Variants in HEMK2 observed in about 807,000 individuals in gnomAD.
HEMK2 encodes the protein methyltransferase HEMK2.
the HEMK2 span, among the ~76,000 whole-genome samples, chr21:28,794,892 T>C: frequency 6.6e-6 from 1 of 152,174 alleles, no homozygotes; most frequent in Admixed American, 6.5e-5. Context: ...TTCCAGTAAA[T>C]GTGCTGATAG....
chr21:28,580,426 G>C, the HEMK2 span, among the ~76,000 whole-genome samples: 2 of 152,000 alleles, frequency 1.3e-5, no homozygotes, highest in African/African-American at 4.8e-5. Context: ...TCCAACAAGT[G>C]GCTCTCTGGA....
the HEMK2 span, among the ~76,000 whole-genome samples, chr21:28,745,972 C>T: frequency 0.55 from 83,676 of 152,066 alleles, 26,175 homozygotes; most frequent in African/African-American, 0.85. Flanking sequence ...TGGCTGAATC[C>T]TGAAATAGAG....
At chr21:28,793,356 T>C in the HEMK2 span, among the ~76,000 whole-genome samples, 2 of 152,180 alleles carry the variant, frequency 1.3e-5, no homozygotes. Flanking sequence ...TAAAACGAAA[T>C]GCACCTATTT....
At chr21:28,815,538 G>A in the HEMK2 span, among the ~76,000 whole-genome samples, 2 of 151,938 alleles carry the variant, frequency 1.3e-5, no homozygotes, top group African/African-American at 4.8e-5. Context: ...AAACACAGTG[G>A]TGTCCAGGTA....
the HEMK2 span, among the ~76,000 whole-genome samples, chr21:28,847,753 G>A: frequency 1.3e-5 from 2 of 152,250 alleles, no homozygotes; most frequent in Admixed American, 6.5e-5. Flanking sequence ...ATAGTTTTAG[G>A]TTTTACATTT....
the HEMK2 span, among the ~76,000 whole-genome samples, chr21:28,783,777 G>A: frequency 2.0e-5 from 3 of 152,098 alleles, no homozygotes; most frequent in Non-Finnish European, 4.4e-5. Flanking sequence ...GGCAGAAATT[G>A]GGGCTGCATG....
At chr21:28,672,089 C>T in the HEMK2 span, among the ~76,000 whole-genome samples, 1 of 151,950 alleles carries the variant, frequency 6.6e-6, no homozygotes, top group African/African-American at 2.4e-5. Flanking sequence ...GGCTCTTTTG[C>T]AAAGCAAACT....
the HEMK2 span, among the ~76,000 whole-genome samples, chr21:28,605,556 A>G: frequency 6.6e-6 from 1 of 152,170 alleles, no homozygotes. Flanking sequence ...CTCTTTAAAC[A>G]TGACTGAATC....
At chr21:28,712,827 A>G in the HEMK2 span, among the ~76,000 whole-genome samples, 1 of 152,250 alleles carries the variant, frequency 6.6e-6, no homozygotes, top group African/African-American at 2.4e-5. Context: ...ATAAGAGTAT[A>G]AAATGTTTGA....
At chr21:28,579,537 A>G in the HEMK2 span, among the ~76,000 whole-genome samples, 1 of 152,210 alleles carries the variant, frequency 6.6e-6, no homozygotes, top group Non-Finnish European at 1.5e-5. Flanking sequence ...TCTTAGAAAA[A>G]GAAAATAAAA....
chr21:28,750,302 C>A, the HEMK2 span, among the ~76,000 whole-genome samples: 3 of 152,166 alleles, frequency 2.0e-5, no homozygotes, highest in Non-Finnish European at 4.4e-5. Context: ...TATTCTAAGA[C>A]CACAGTGTAG....
chr21:28,688,443 G>C, the HEMK2 span, among the ~76,000 whole-genome samples: 1 of 152,104 alleles, frequency 6.6e-6, no homozygotes, highest in Non-Finnish European at 1.5e-5. Flanking sequence ...TCTGTGGCAG[G>C]TCTGGGAGAA....
At chr21:28,701,722 G>C in the HEMK2 span, among the ~76,000 whole-genome samples, 9 of 152,168 alleles carry the variant, frequency 5.9e-5, no homozygotes, top group African/African-American at 1.7e-4. Context: ...TGCATGGATA[G>C]GAAGAATCAA....
the HEMK2 span, among the ~76,000 whole-genome samples, chr21:28,703,280 T>C: frequency 6.6e-6 from 1 of 150,608 alleles, no homozygotes; most frequent in Non-Finnish European, 1.5e-5. Flanking sequence ...TTTACTTATA[T>C]AACAAACCTG....
the HEMK2 span, among the ~76,000 whole-genome samples, chr21:28,744,422 A>G: frequency 6.6e-6 from 1 of 152,198 alleles, no homozygotes; most frequent in Non-Finnish European, 1.5e-5. Flanking sequence ...AAAGTCATTC[A>G]TGGTTAATTG....
At chr21:28,642,122 C>T in the HEMK2 span, among the ~76,000 whole-genome samples, 2 of 152,162 alleles carry the variant, frequency 1.3e-5, no homozygotes, top group African/African-American at 4.8e-5. Context: ...TAAATAGGCA[C>T]CTTCAGGAGC....
At chr21:28,601,365 G>T in the HEMK2 span, among the ~76,000 whole-genome samples, 1 of 152,206 alleles carries the variant, frequency 6.6e-6, no homozygotes, top group East Asian at 1.9e-4. Flanking sequence ...CCTCTTTGGT[G>T]CTCCCTGGCT....
chr21:28,843,281 G>A, the HEMK2 span, among the ~76,000 whole-genome samples: 1 of 152,118 alleles, frequency 6.6e-6, no homozygotes, highest in East Asian at 1.9e-4. Flanking sequence ...CTGCATGGCT[G>A]AGGAGGCCTG....
chr21:28,588,799 C>T, the HEMK2 span, among the ~76,000 whole-genome samples: 6 of 151,764 alleles, frequency 4.0e-5, no homozygotes, highest in Admixed American at 2.0e-4. Flanking sequence ...CTGGCTAACA[C>T]GCTGAAACCC....
Sources: allele counts gnomAD v4.1 joint callset (sites outside exome capture counted in the v4.1 genomes callset), GRCh38; gene constraint gnomAD v4.1.1; transcripts MANE v1.5; gene names NCBI Gene and HGNC (gene_info 2026-07-23, HGNC 2026-07-21).